The following ATP6V1C1 variants were observed in gnomAD, a reference collection of about 807,000 sequenced individuals.
The protein encoded by ATP6V1C1 is ATPase H+ transporting V1 subunit C1, also known as V-type proton ATPase subunit C 1.
A neutral mutation model predicts 53.9 loss-of-function variants in ATP6V1C1; 45 were observed. The observed-to-expected ratio is 0.83, with a 90% CI of 0.66 to 1.07. ATP6V1C1 has a LOEUF of 1.07. Among genes scored for constraint, ATP6V1C1 ranks in the 50% least tolerant of loss-of-function variants. ATP6V1C1 has a pLI of 0.00. For synonymous variants in ATP6V1C1, 153 were observed against 155.2 expected, an observed-to-expected ratio of 0.99 and a Z score of 0.11; for missense variants, 315 against 440.3, an observed-to-expected ratio of 0.72 and a Z score of 2.55.
At chr8:103,045,919 T>C (rs1020328434) in intron 3 of ATP6V1C1, among the ~76,000 whole-genome samples, 12 of 151,418 alleles carry the variant, frequency 7.9e-5, no homozygotes, top group African/African-American at 2.9e-4. Context: ...CCAGCCTGGG[T>C]GACAGAGCGT....
intron 1 of ATP6V1C1, among the ~76,000 whole-genome samples, chr8:103,030,696 TCTGG>T (rs1258674897): frequency 6.6e-6 from 1 of 152,156 alleles, no homozygotes; most frequent in Non-Finnish European, 1.5e-5. Context: ...GGAAGGTTTA[TCTGG>T]CTGGAATTTG....
At chr8:103,066,214 C>A in intron 11 of ATP6V1C1, 107 bp from the exon 12 acceptor site, 2 of 1,281,328 alleles carry the variant, frequency 1.6e-6, no homozygotes, top group Non-Finnish European at 2.1e-6. Flanking sequence ...GGGAGATATT[C>A]TCTCCCCGTT....
At chr8:103,047,279 C>T (rs1817113586) in intron 3 of ATP6V1C1, among the ~76,000 whole-genome samples, 1 of 151,836 alleles carries the variant, frequency 6.6e-6, no homozygotes, top group Non-Finnish European at 1.5e-5. Flanking sequence ...TTGTGGCTCA[C>T]ACCTGTAATC....
Position 103,030,082 on chromosome 8 carries a change from G to A in ATP6V1C1, c.-40+8857G>A, listed in dbSNP as rs564741029. Among the ~76,000 whole-genome samples, 108 of 151,780 alleles carry A rather than the reference G, an allele frequency of 7.1e-4. 1 individual carries two copies. Among genetic ancestry groups the A allele is most frequent in the Non-Finnish European group, 1.8e-4 (12 of 67,960 alleles). The stretch of plus-strand genomic sequence containing the variant: ...CATGTTTTACTTATCAAGATAGCAC[G>A]CCATACATTTGCAAATTAATGGCAC... On this transcript the variant is annotated intron_variant, in intron 1 of 12. Coordinates refer to ENST00000518738, the MANE Select transcript of ATP6V1C1 (RefSeq NM_001695.5).
chr8:103,062,160 G>C (rs1479233827), intron 8 of ATP6V1C1, among the ~76,000 whole-genome samples: 1 of 125,902 alleles, frequency 7.9e-6, no homozygotes, highest in Non-Finnish European at 1.7e-5. Flanking sequence ...TGTTCATCAG[G>C]GTTTTTTTTT....
At chr8:103,026,135 C>T (rs1816690621) in intron 1 of ATP6V1C1, among the ~76,000 whole-genome samples, 1 of 152,224 alleles carries the variant, frequency 6.6e-6, no homozygotes, top group South Asian at 2.1e-4. Context: ...TTGGTGATTA[C>T]TTGCAGTAAT....
chr8:103,057,537 C>A lies in ATP6V1C1; in HGVS notation c.641+1601C>A, dbSNP rs113660739. Among the ~76,000 whole-genome samples the A allele has an allele frequency of 5.3e-3, 802 of 152,264 alleles. 9 individuals carry two copies. The highest frequency in any genetic ancestry group is 0.031 in the Middle Eastern group (9 of 294). The stretch of plus-strand genomic sequence containing the variant: ...TTAGGCGTGGAAAGTTAGGGTTTTC[C>A]TTTCAATTTAGTTCTAGGAAACCGG... On this transcript the variant is annotated intron_variant, in intron 8 of 12. Transcript: ENST00000518738.
chr8:103,023,193 G>A (rs1816628251), intron 1 of ATP6V1C1, among the ~76,000 whole-genome samples: 1 of 152,112 alleles, frequency 6.6e-6, no homozygotes, highest in Admixed American at 6.5e-5. Flanking sequence ...GGTGGAGAAA[G>A]CTGGGGTCAC....
intron 3 of ATP6V1C1, among the ~76,000 whole-genome samples, chr8:103,048,042 G>T (rs576177477): frequency 6.6e-6 from 1 of 152,324 alleles, no homozygotes; most frequent in South Asian, 2.1e-4. Context: ...CCCACCCAGG[G>T]CCTAGAGGCA....
chr8:103,067,215 A>G (rs1238610922), intron 12 of ATP6V1C1, among the ~76,000 whole-genome samples: 2 of 151,944 alleles, frequency 1.3e-5, no homozygotes, highest in African/African-American at 2.4e-5. Context: ...CCTGGCCAAC[A>G]TGGTGAAACC....
At chr8:103,026,447 G>C (rs906054409) in intron 1 of ATP6V1C1, among the ~76,000 whole-genome samples, 1 of 152,142 alleles carries the variant, frequency 6.6e-6, no homozygotes, top group Admixed American at 6.5e-5. Context: ...GTTTTAATAG[G>C]ATTATAGAGC....
chr8:103,060,830 G>T (rs1817383767), intron 8 of ATP6V1C1, among the ~76,000 whole-genome samples: 1 of 152,072 alleles, frequency 6.6e-6, no homozygotes, highest in Non-Finnish European at 1.5e-5. Flanking sequence ...ATAGGAATTT[G>T]CTGTGTCCCA....
At chr8:103,054,074 C>T in intron 7 of ATP6V1C1, 92 bp downstream of exon 7, 2 of 1,009,996 alleles carry the variant, frequency 2.0e-6, no homozygotes, top group African/African-American at 3.3e-5. Flanking sequence ...CCATAAAATC[C>T]AAGCGTAAAA....
intron 10 of ATP6V1C1, among the ~76,000 whole-genome samples, chr8:103,064,037 C>G (rs1817447542): frequency 6.6e-6 from 1 of 152,092 alleles, no homozygotes. Context: ...TTTTGCTATC[C>G]TTTTGCTTAA....
intron 8 of ATP6V1C1, among the ~76,000 whole-genome samples, chr8:103,061,114 T>C (rs1817388671): frequency 6.6e-6 from 1 of 152,210 alleles, no homozygotes; most frequent in Non-Finnish European, 1.5e-5. Context: ...TAAATCGAGC[T>C]CTGTCCACTT....
At chr8:103,023,849 G>C (rs1816642755) in intron 1 of ATP6V1C1, among the ~76,000 whole-genome samples, 1 of 151,512 alleles carries the variant, frequency 6.6e-6, no homozygotes, top group African/African-American at 2.4e-5. Flanking sequence ...GTCACATCTA[G>C]AGAAAAGGGC....
chr8:103,023,818 A>G (rs972409431), intron 1 of ATP6V1C1, among the ~76,000 whole-genome samples: 3 of 151,650 alleles, frequency 2.0e-5, no homozygotes, highest in African/African-American at 4.8e-5. Flanking sequence ...CCTGCTGATT[A>G]CCTACACAGT....
chr8:103,026,825 A>G lies in ATP6V1C1; in HGVS notation c.-40+5600A>G, dbSNP rs1816705436. Among the ~76,000 whole-genome samples the G allele has an allele frequency of 2.6e-5, 4 of 152,240 alleles. No homozygotes were observed. In the South Asian group the frequency reaches 8.3e-4, roughly 31 times the overall value. On this transcript the variant is annotated intron_variant, in intron 1 of 12. Coordinates refer to ENST00000518738, the MANE Select transcript of ATP6V1C1 (RefSeq NM_001695.5). ...GAGACTCCGTCTCCAAAAAAAATAA[A>G]AAGGCATATTTTCTGACAGTTTTAA...
At chr8:103,043,556 C>T (rs1221860375) in intron 3 of ATP6V1C1, among the ~76,000 whole-genome samples, 1 of 151,730 alleles carries the variant, frequency 6.6e-6, no homozygotes, top group Non-Finnish European at 1.5e-5. Context: ...TGATCTCAAA[C>T]CCCTGACCTC....
Sources: allele counts gnomAD v4.1 joint callset (sites outside exome capture counted in the v4.1 genomes callset), GRCh38; gene constraint gnomAD v4.1.1; transcripts MANE v1.5; gene names NCBI Gene and HGNC (gene_info 2026-07-23, HGNC 2026-07-21).